The following DHX40 variants were observed in gnomAD, a reference collection of about 807,000 sequenced individuals.
DHX40 encodes the protein probable ATP-dependent RNA helicase DHX40.
Under a neutral mutation model 89.6 loss-of-function variants are expected in DHX40, and 28 were observed. The observed-to-expected ratio is 0.31, with a 90% CI of 0.23 to 0.43. DHX40 has a LOEUF of 0.43. DHX40 is among the 20% of genes least tolerant of loss of function. DHX40 has a pLI of 1.00. For missense variants in DHX40, 457 were observed against 844.0 expected, an observed-to-expected ratio of 0.54 and a Z score of 5.68; for synonymous variants, 226 against 283.6, an observed-to-expected ratio of 0.80 and a Z score of 2.04.
intron 2 of DHX40, among the ~76,000 whole-genome samples, chr17:59,568,026 A>G (rs905542326): frequency 2.0e-5 from 3 of 152,102 alleles, no homozygotes; most frequent in African/African-American, 7.2e-5. Flanking sequence ...TGAGGTCAGC[A>G]GTTCGAGACC....
intron 12 of DHX40, among the ~76,000 whole-genome samples, chr17:59,588,996 T>C (rs947469051): frequency 1.3e-5 from 2 of 152,132 alleles, no homozygotes; most frequent in African/African-American, 2.4e-5. Flanking sequence ...ACTATTCTTA[T>C]ATGGGTCTGT....
In DHX40 at chr17:59,607,351, G is replaced by C; in HGVS notation, c.*179G>C. The C allele has an allele frequency of 7.8e-7, 1 of 1,279,330 alleles. No homozygotes were observed. Among genetic ancestry groups the C allele is most frequent in the South Asian group, 1.3e-5 (1 of 78,454 alleles). 79.2% of individuals were successfully genotyped at this position (1,279,330 alleles called of 1,614,324 possible). ...CTCATCAGTTCCCATAAATGCAGTTGTCAAAGAAAAGATTTGGTTGCCATA... is the reference window on the plus strand; with the variant it reads ...CTCATCAGTTCCCATAAATGCAGTTCTCAAAGAAAAGATTTGGTTGCCATA... On this transcript the variant is annotated 3_prime_UTR_variant, in exon 18 of 18. Transcript: ENST00000251241.
chr17:59,601,616 T>A (rs2030531480), intron 14 of DHX40, among the ~76,000 whole-genome samples: 1 of 152,232 alleles, frequency 6.6e-6, no homozygotes, highest in South Asian at 2.1e-4. Context: ...AAAATATAAT[T>A]AGATCTGTGT....
intron 12 of DHX40, among the ~76,000 whole-genome samples, chr17:59,592,238 A>T (rs867108109): frequency 6.6e-6 from 1 of 151,978 alleles, no homozygotes; most frequent in Non-Finnish European, 1.5e-5. Context: ...GAAATTGTCC[A>T]TTTTCCCTAG....
At chr17:59,568,593 C>G (rs1459752269) in intron 2 of DHX40, among the ~76,000 whole-genome samples, 1 of 151,996 alleles carries the variant, frequency 6.6e-6, no homozygotes, top group African/African-American at 2.4e-5. Flanking sequence ...AAATTAACAA[C>G]AACAACAATA....
rs1467726777 is a variant in DHX40 at position 59,570,185 on chromosome 17, T to A, written c.281-333T>A. ...ATAATATGTTATATATTAATATATATAATATATAATATATTATAATATATA... is the reference window on the plus strand; with the variant it reads ...ATAATATGTTATATATTAATATATAAAATATATAATATATTATAATATATA... On this transcript the variant is annotated intron_variant, in intron 2 of 17. Coordinates refer to ENST00000251241, the MANE Select transcript of DHX40 (RefSeq NM_024612.5). Among the ~76,000 whole-genome samples the A allele has an allele frequency of 3.3e-5, 4 of 122,938 alleles. No individual in the cohort carries two copies. The South Asian group carries it at 8.7e-4, about 27-fold the overall frequency. 80.7% of individuals were successfully genotyped at this position (122,938 alleles called of 152,430 possible).
intron 12 of DHX40, among the ~76,000 whole-genome samples, chr17:59,589,051 T>C (rs2049042046): frequency 6.6e-6 from 1 of 152,052 alleles, no homozygotes; most frequent in African/African-American, 2.4e-5. Flanking sequence ...TGTCTGTTTG[T>C]TCTTCCACCA....
chr17:59,571,413 C>T (rs555314992), intron 3 of DHX40, among the ~76,000 whole-genome samples: 4 of 149,108 alleles, frequency 2.7e-5, no homozygotes, highest in Admixed American at 6.7e-5. Context: ...GCTGAGATCG[C>T]GCCACTGCAC....
chr17:59,597,974 T>C (rs555950355), intron 12 of DHX40, among the ~76,000 whole-genome samples: 56 of 147,444 alleles, frequency 3.8e-4, no homozygotes, highest in African/African-American at 1.3e-3. Flanking sequence ...TCAAGCGATC[T>C]TCCCACCTCA....
At chr17:59,596,103 G>A (rs1165026440) in intron 12 of DHX40, among the ~76,000 whole-genome samples, 1 of 151,906 alleles carries the variant, frequency 6.6e-6, no homozygotes, top group Non-Finnish European at 1.5e-5. Flanking sequence ...AGACTGCATG[G>A]TGCCATGATT....
Position 59,570,583 on chromosome 17 carries a change from CAG to C in DHX40, c.351_352del (p.Arg117SerfsTer3). 1 of 1,609,782 alleles carries C rather than the reference CAG, an allele frequency of 6.2e-7. No homozygotes were observed. Among genetic ancestry groups the C allele is most frequent in the Non-Finnish European group, 8.5e-7 (1 of 1,178,126 alleles). ...AAAAGTAGCTGCTATATCAGTTGCT[CAG>C]AGAGTAGCTGAAGAAATGAAATGCA... ...PRKVAAISVA[Q>X]RVAEEMKCTL... On this transcript the variant is annotated frameshift_variant, in exon 3 of 18. Transcript: ENST00000251241. LOFTEE classifies it high-confidence loss of function.
chr17:59,585,450 C>T (rs1439216058), intron 10 of DHX40, among the ~76,000 whole-genome samples: 7 of 150,370 alleles, frequency 4.7e-5, no homozygotes, highest in African/African-American at 2.5e-5. Context: ...AGGCTGGGTG[C>T]GGTGGCTCAC....
intron 14 of DHX40, among the ~76,000 whole-genome samples, chr17:59,600,682 A>C (rs2030448289): frequency 6.6e-6 from 1 of 151,672 alleles, no homozygotes; most frequent in Non-Finnish European, 1.5e-5. Flanking sequence ...CTGTCTCTAC[A>C]AAAAAATTAA....
chr17:59,573,758 T>C lies in DHX40; in HGVS notation c.565T>C (p.Leu189=). The C allele has an allele frequency of 6.2e-7, 1 of 1,614,028 alleles. No homozygotes were observed. The highest frequency in any genetic ancestry group is 8.5e-7 in the Non-Finnish European group (1 of 1,179,968). The change falls in exon 5 of 18, where the codon TTG becomes CTG. Residue 189 remains leucine, a synonymous_variant. Coordinates refer to ENST00000251241, the MANE Select transcript of DHX40 (RefSeq NM_024612.5). ...TLTTDILFGL[L]KKLFQEKSPN... is the part of the protein sequence containing the mutation. ...CTTTCAGGATATCTTATTTGGTTTA[T>C]TGAAGAAGCTATTTCAGGAGAAGTC... is the stretch of plus-strand genomic sequence containing the variant.
In DHX40 at chr17:59,588,069, T is replaced by C. The variant is rs767728175; in HGVS notation, c.1582+16T>C. 127 of 1,611,016 alleles carry C rather than the reference T, an allele frequency of 7.9e-5. No individual in the cohort carries two copies. Among genetic ancestry groups the C allele is most frequent in the Non-Finnish European group, 1.0e-4 (119 of 1,178,762 alleles). ...ATTAGACCTGGTAAGATGTTTATTT[T>C]AAGTTGTGTTTTTTAAAACTAATAG... On this transcript the variant is annotated intron_variant, in intron 12 of 17. Transcript: ENST00000251241.
chr17:59,595,029 C>T (rs909342967), intron 12 of DHX40, among the ~76,000 whole-genome samples: 8 of 152,044 alleles, frequency 5.3e-5, no homozygotes, highest in Non-Finnish European at 7.4e-5. Flanking sequence ...TACAGTTGAC[C>T]CTTGAACACA....
At position 59,605,427 on chromosome 17, in the gene DHX40, A is replaced by C. The variant is rs1003860835; in HGVS notation, c.1972-19A>C. On this transcript the variant is annotated intron_variant, in intron 16 of 17. Transcript: ENST00000251241. ...GCAGGTTATTGAGTTACCATCATTA[A>C]AAGAAATGTTTTGTATAGCTTCATG... 5.0e-6 allele frequency: 8 copies of C among 1,602,192 alleles called. No individual in the cohort carries two copies. The highest frequency in any genetic ancestry group is 6.8e-6 in the Non-Finnish European group (8 of 1,171,094).
chr17:59,577,256 T>C lies in DHX40; in HGVS notation c.974-10T>C, dbSNP rs1303798125. 2 of 1,605,662 alleles carry C rather than the reference T, an allele frequency of 1.2e-6. No individual in the cohort carries two copies. Among genetic ancestry groups the C allele is most frequent in the Non-Finnish European group, 1.7e-6 (2 of 1,172,848 alleles). ...TGTAAATTGGTATTTTCTTTTTATA[T>C]ATACTTCAGATCAACAGAGGAGGAT... On this transcript the variant is annotated splice_polypyrimidine_tract_variant and intron_variant, in intron 7 of 17. Coordinates refer to ENST00000251241, the MANE Select transcript of DHX40 (RefSeq NM_024612.5).
chr17:59,586,384 C>T (rs987567561), intron 11 of DHX40, 151 bp downstream of exon 11: 19 of 805,636 alleles, frequency 2.4e-5, no homozygotes, highest in Middle Eastern at 3.5e-4. Context: ...AAAAACCAGC[C>T]GGGCGCTGTG....
Sources: allele counts gnomAD v4.1 joint callset (sites outside exome capture counted in the v4.1 genomes callset), GRCh38; gene constraint gnomAD v4.1.1; transcripts MANE v1.5; gene names NCBI Gene and HGNC (gene_info 2026-07-23, HGNC 2026-07-21).